ARHGAP15: variants seen among roughly 807,000 people sequenced by gnomAD.
ARHGAP15 encodes rho GTPase-activating protein 15.
ARHGAP15 carries 51 observed loss-of-function variants against 63.7 expected under a neutral mutation model. That is an observed-to-expected ratio of 0.80 (90% CI 0.64 to 1.01). The LOEUF is 1.01. ARHGAP15 is among the 50% of genes least tolerant of loss of function. The pLI, the probability that ARHGAP15 is intolerant of heterozygous loss-of-function variation, is 0.00. For synonymous variants in ARHGAP15, 191 were observed against 193.8 expected (o/e 0.99, Z 0.12); for missense variants, 560 against 564.6 (o/e 0.99, Z 0.08).
intron 13 of ARHGAP15, among the ~76,000 whole-genome samples, chr2:143,731,410 T>A (rs541362798): frequency 6.6e-6 from 1 of 152,292 alleles, no homozygotes; most frequent in South Asian, 2.1e-4. Flanking sequence ...TACCTCCATA[T>A]AAGAAGGCTT....
At chr2:143,521,332 G>C (rs139321061) in intron 10 of ARHGAP15, among the ~76,000 whole-genome samples, 1 of 152,154 alleles carries the variant, frequency 6.6e-6, no homozygotes, top group Non-Finnish European at 1.5e-5. Context: ...AGATTTACAA[G>C]TGTGTACTTT....
chr2:143,562,380 G>GC (rs1440248217), intron 11 of ARHGAP15, among the ~76,000 whole-genome samples: 2 of 152,122 alleles, frequency 1.3e-5, no homozygotes, highest in African/African-American at 4.8e-5. Context: ...TTATAAAATA[G>GC]CCCTTGTATC....
At chr2:143,350,676 AAAG>A (rs1445385639) in intron 6 of ARHGAP15, among the ~76,000 whole-genome samples, 7 of 147,332 alleles carry the variant, frequency 4.8e-5, no homozygotes, top group African/African-American at 1.3e-4. Context: ...AAAAAAAAAA[AAAG>A]AAAGAAAAAA....
chr2:143,693,853 A>G (rs1309457951), intron 12 of ARHGAP15, among the ~76,000 whole-genome samples: 2 of 152,214 alleles, frequency 1.3e-5, no homozygotes, highest in Non-Finnish European at 2.9e-5. Context: ...TTATAAGAAC[A>G]TATTTCCAAG....
intron 11 of ARHGAP15, among the ~76,000 whole-genome samples, chr2:143,578,791 T>TA (rs1236763132): frequency 6.6e-5 from 10 of 152,282 alleles, no homozygotes; most frequent in Non-Finnish European, 7.4e-5. Context: ...CAACTCTTGC[T>TA]AAAAAAACTA....
intron 8 of ARHGAP15, among the ~76,000 whole-genome samples, chr2:143,471,260 A>G (rs1574495099): frequency 1.3e-5 from 2 of 150,574 alleles, no homozygotes; most frequent in East Asian, 2.0e-4. Flanking sequence ...ACACACATAT[A>G]TATATACACA....
At chr2:143,287,329 C>T (rs1175602869) in intron 6 of ARHGAP15, among the ~76,000 whole-genome samples, 4 of 152,136 alleles carry the variant, frequency 2.6e-5, no homozygotes, top group Admixed American at 6.6e-5. Context: ...AGGACAAGCG[C>T]TTTCTTCCTT....
intron 7 of ARHGAP15, 115 bp from the exon 8 acceptor site, chr2:143,436,798 C>T (rs770972369): frequency 9.2e-5 from 98 of 1,063,232 alleles, no homozygotes; most frequent in Non-Finnish European, 1.1e-4. Context: ...GACCTATCCT[C>T]AAATAATTAC....
At chr2:143,683,950 G>T (rs1235727933) in intron 12 of ARHGAP15, among the ~76,000 whole-genome samples, 1 of 152,094 alleles carries the variant, frequency 6.6e-6, no homozygotes, top group African/African-American at 2.4e-5. Context: ...GGATAGCAAG[G>T]TTATACCAAT....
At chr2:143,350,522 A>C (rs983718560) in intron 6 of ARHGAP15, among the ~76,000 whole-genome samples, 1 of 151,980 alleles carries the variant, frequency 6.6e-6, no homozygotes, top group Admixed American at 6.6e-5. Context: ...CAATGTATGA[A>C]ATTATATATT....
At chr2:143,621,806 T>C (rs924261035) in intron 11 of ARHGAP15, among the ~76,000 whole-genome samples, 1 of 152,198 alleles carries the variant, frequency 6.6e-6, no homozygotes, top group African/African-American at 2.4e-5. Context: ...CTGATATTAA[T>C]GTGGAAATGA....
intron 12 of ARHGAP15, among the ~76,000 whole-genome samples, chr2:143,689,454 T>C (rs150567707): frequency 3.9e-4 from 59 of 152,316 alleles, no homozygotes; most frequent in Non-Finnish European, 7.9e-4. Flanking sequence ...AGTTCTTTCA[T>C]AGGTCAAACG....
intron 12 of ARHGAP15, among the ~76,000 whole-genome samples, chr2:143,680,871 C>G (rs187802557): frequency 8.0e-4 from 122 of 152,308 alleles, no homozygotes; most frequent in African/African-American, 2.9e-3. Context: ...CACTCAAGAA[C>G]TGTGATCCTA....
chr2:143,714,841 C>T (rs1684737418), intron 13 of ARHGAP15, among the ~76,000 whole-genome samples: 1 of 152,200 alleles, frequency 6.6e-6, no homozygotes, highest in African/African-American at 2.4e-5. Flanking sequence ...TCTTATTGTT[C>T]ATATCACTAT....
intron 8 of ARHGAP15, among the ~76,000 whole-genome samples, chr2:143,465,673 T>A (rs1205271263): frequency 6.7e-6 from 1 of 150,300 alleles, no homozygotes; most frequent in Non-Finnish European, 1.5e-5. Flanking sequence ...CTTGAAAACA[T>A]AATTACCTTT....
At chr2:143,173,210 A>T (rs58118549) in intron 2 of ARHGAP15, among the ~76,000 whole-genome samples, 3,372 of 152,190 alleles carry the variant, frequency 0.022, 83 homozygotes, top group African/African-American at 0.054. Context: ...AAAATATTTT[A>T]AAAAACCCGA....
chr2:143,520,418 T>C (rs13431703), intron 10 of ARHGAP15, among the ~76,000 whole-genome samples: 1 of 152,008 alleles, frequency 6.6e-6, no homozygotes, highest in Non-Finnish European at 1.5e-5. Flanking sequence ...CCCCTATCAG[T>C]AGGGAATGAG....
chr2:143,486,772 GGA>G (rs1216471505), intron 8 of ARHGAP15, among the ~76,000 whole-genome samples: 1 of 152,146 alleles, frequency 6.6e-6, no homozygotes, highest in Non-Finnish European at 1.5e-5. Flanking sequence ...AGGAAACTGA[GGA>G]GAGGGGACTA....
chr2:143,403,507 A>G (rs569768326), intron 6 of ARHGAP15, among the ~76,000 whole-genome samples: 17 of 152,040 alleles, frequency 1.1e-4, no homozygotes, highest in African/African-American at 3.9e-4. Flanking sequence ...ACTATTTTCA[A>G]AAATACATAT....
Sources: allele counts gnomAD v4.1 joint callset (sites outside exome capture counted in the v4.1 genomes callset), GRCh38; gene constraint gnomAD v4.1.1; transcripts MANE v1.5; gene names NCBI Gene and HGNC (gene_info 2026-07-23, HGNC 2026-07-21).